The following HKDC1 variants were observed in gnomAD, a reference collection of about 807,000 sequenced individuals.
HKDC1 encodes hexokinase HKDC1.
HKDC1 carries 66 observed loss-of-function variants against 96.6 expected under a neutral mutation model. That is an observed-to-expected ratio of 0.68 (90% CI 0.56 to 0.84). The LOEUF (loss-of-function observed/expected upper bound fraction) is 0.84, where lower values mean the gene tolerates loss of function less well. Ranked by LOEUF, HKDC1 falls within the 40% of genes least tolerant of loss-of-function variation. The pLI, the probability that HKDC1 is intolerant of heterozygous loss-of-function variation, is 0.00. For missense variants in HKDC1, 1,211 were observed against 1,208.1 expected (o/e 1.00, Z -0.04); for synonymous variants, 466 against 473.1 (o/e 0.98, Z 0.20).
intron 2 of HKDC1, chr10:69,232,529 C>A: frequency 1.8e-6 from 1 of 552,284 alleles, no homozygotes; most frequent in Non-Finnish European, 3.2e-6. Context: ...ACAGCATGAG[C>A]CAGTGGGTTG....
rs144033277 is a variant in HKDC1 at position 69,261,330 on chromosome 10, T to A, written c.2372+36T>A. On this transcript the variant is annotated intron_variant, in intron 16 of 17. Coordinates refer to ENST00000354624, the MANE Select transcript of HKDC1 (RefSeq NM_025130.4). ...ATCAAGTTCATCATGAGGCTCTGAC[T>A]GGCATATGCTGCCACCACGCTGGGG... 9.0e-3 allele frequency: 14,365 copies of A among 1,597,030 alleles called. 107 individuals carry two copies. Among genetic ancestry groups the A allele is most frequent in the South Asian group, 0.025 (2,235 of 90,710 alleles).
rs573582996 is a variant in HKDC1, at chr10:69,238,622, C to T, written c.496-420C>T. Among the ~76,000 whole-genome samples, 244 of 28,088 alleles carry T rather than the reference C, an allele frequency of 8.7e-3. 93 individuals are homozygous for T. The highest frequency in any genetic ancestry group is 0.048 in the African/African-American group (237 of 4,970). 18.4% of individuals were successfully genotyped at this position (28,088 alleles called of 152,430 possible). On this transcript the variant is annotated intron_variant, in intron 4 of 17. Transcript: ENST00000354624. ...CGATCTCCTGACCTCATGATCCACC[C>T]GCCTCGGCCTCCCAAAGTGCTGGGA...
chr10:69,252,973 CGTGTGT>C (rs57083436), intron 12 of HKDC1, among the ~76,000 whole-genome samples: 8,166 of 140,224 alleles, frequency 0.058, 635 homozygotes, highest in African/African-American at 0.19. Flanking sequence ...CATCTCTAAA[CGTGTGT>C]GTGTGTGTGT....
At chr10:69,222,350 CATT>C (rs1311203392) in intron 1 of HKDC1, among the ~76,000 whole-genome samples, 1 of 149,746 alleles carries the variant, frequency 6.7e-6, no homozygotes, top group African/African-American at 2.4e-5. Context: ...AATTTAAAAA[CATT>C]ATAAAGCAAT....
chr10:69,233,267 A>G (rs760884089), intron 4 of HKDC1, 134 bp downstream of exon 4: 4 of 1,267,032 alleles, frequency 3.2e-6, no homozygotes, highest in African/African-American at 1.5e-5. Flanking sequence ...TTTGTTCATG[A>G]TGAGGTGGCA....
intron 2 of HKDC1, chr10:69,232,433 G>C: frequency 4.0e-6 from 1 of 250,070 alleles, no homozygotes; most frequent in Non-Finnish European, 7.7e-6. Flanking sequence ...GGCATCCCAG[G>C]ATGGGCTCCA....
chr10:69,241,433 G>A (rs1339355615), intron 6 of HKDC1, among the ~76,000 whole-genome samples: 1 of 152,182 alleles, frequency 6.6e-6, no homozygotes, highest in Non-Finnish European at 1.5e-5. Context: ...GAGGGAGACT[G>A]GAAGGCACTG....
chr10:69,232,928 C>T lies in HKDC1; in HGVS notation c.375+16C>T. Reference sequence around the variant, plus strand: ...CGGCACAGAGGTACCTGGCAGGTGGCTCCTGTGACCGCAGGGAAGGCGGTG... The same window carrying T: ...CGGCACAGAGGTACCTGGCAGGTGGTTCCTGTGACCGCAGGGAAGGCGGTG... On this transcript the variant is annotated intron_variant, in intron 3 of 17. Coordinates refer to ENST00000354624, the MANE Select transcript of HKDC1 (RefSeq NM_025130.4). 1.2e-6 allele frequency: 2 copies of T among 1,612,130 alleles called. No individual in the cohort carries two copies. The highest frequency in any genetic ancestry group is 1.7e-6 in the Non-Finnish European group (2 of 1,180,006).
chr10:69,239,160 G>A (rs745850131), intron 5 of HKDC1, 23 bp downstream of exon 5: 1 of 1,586,830 alleles, frequency 6.3e-7, no homozygotes, highest in Non-Finnish European at 8.6e-7. Flanking sequence ...CCTCGGTGTG[G>A]GAGGCTCTCC....
At chr10:69,257,299 T>C in intron 13 of HKDC1, 28 bp from the exon 14 acceptor site, 1 of 1,579,394 alleles carries the variant, frequency 6.3e-7, no homozygotes, top group Non-Finnish European at 8.7e-7. Context: ...TAAAGCTGGG[T>C]TTTTTTTGTT....
chr10:69,260,128 C>T (rs117372387), intron 15 of HKDC1, among the ~76,000 whole-genome samples: 1,850 of 152,278 alleles, frequency 0.012, 26 homozygotes, highest in Non-Finnish European at 0.016. Flanking sequence ...GTTATGGGTG[C>T]TATCCAAGTT....
chr10:69,243,451 A>G, intron 7 of HKDC1, 86 bp downstream of exon 7: 2 of 1,127,990 alleles, frequency 1.8e-6, no homozygotes, highest in East Asian at 2.7e-5. Context: ...GAGGCTTTCC[A>G]GTTGTGACTA....
intron 7 of HKDC1, among the ~76,000 whole-genome samples, chr10:69,244,009 G>A (rs934527832): frequency 6.6e-5 from 10 of 152,026 alleles, no homozygotes; most frequent in Admixed American, 3.9e-4. Context: ...CCTGGGCAGT[G>A]AGGAGAAGGC....
At position 69,261,294 on chromosome 10, in the gene HKDC1, G is replaced by A. The variant is rs1160171284; in HGVS notation, c.2372G>A (p.Ser791Asn). The A allele has an allele frequency of 6.2e-7, 1 of 1,613,610 alleles. No individual in the cohort carries two copies. Among genetic ancestry groups the A allele is most frequent in the Non-Finnish European group, 8.5e-7 (1 of 1,179,556 alleles). Reference protein sequence around the residue: ...FETKFLSQIESDRLALLQVRR... With the variant: ...FETKFLSQIENDRLALLQVRR... ...ACCAAGTTCCTGTCCCAGATCGAAA[G>A]GTGACCTGTGATCAAGTTCATCATG... Residue 791 changes from serine (S) to asparagine (N), a missense_variant and splice_region_variant, in exon 16 of 18, where the codon AGC becomes AAC. Coordinates refer to ENST00000354624, the MANE Select transcript of HKDC1 (RefSeq NM_025130.4).
chr10:69,222,429 T>C (rs1323700407), intron 1 of HKDC1, among the ~76,000 whole-genome samples: 2 of 152,202 alleles, frequency 1.3e-5, no homozygotes, highest in East Asian at 3.9e-4. Flanking sequence ...GGAATCCACT[T>C]TCTTTTGTTA....
intron 16 of HKDC1, among the ~76,000 whole-genome samples, chr10:69,262,891 A>AGACC (rs1265546393): frequency 6.6e-6 from 1 of 151,758 alleles, no homozygotes; most frequent in African/African-American, 2.4e-5. Context: ...CATAAGCAAT[A>AGACC]GACCGACAAG....
chr10:69,245,473 G>A (rs1042688087), intron 7 of HKDC1, among the ~76,000 whole-genome samples: 1 of 151,756 alleles, frequency 6.6e-6, no homozygotes, highest in African/African-American at 2.4e-5. Context: ...GGGAGGCTGA[G>A]GCAGGAGGAT....
At chr10:69,258,980 C>A in intron 15 of HKDC1, 21 bp downstream of exon 15, 1 of 1,516,714 alleles carries the variant, frequency 6.6e-7, no homozygotes, top group Admixed American at 2.3e-5. Context: ...TGGATGTGTG[C>A]ATTTATGTGG....
chr10:69,255,873 C>T (rs1279273891), intron 12 of HKDC1, among the ~76,000 whole-genome samples: 2 of 150,186 alleles, frequency 1.3e-5, no homozygotes, highest in African/African-American at 4.9e-5. Flanking sequence ...GTTGAGATCA[C>T]ACCATTACAC....
Sources: allele counts gnomAD v4.1 joint callset (sites outside exome capture counted in the v4.1 genomes callset), GRCh38; gene constraint gnomAD v4.1.1; transcripts MANE v1.5; gene names NCBI Gene and HGNC (gene_info 2026-07-23, HGNC 2026-07-21).